Variants in MICU3 observed in about 807,000 individuals in gnomAD.
MICU3 encodes calcium uptake protein 3, mitochondrial.
MICU3 carries 62 observed loss-of-function variants against 66.5 expected under a neutral mutation model. The ratio of observed to expected loss-of-function variants is 0.93; its 90% CI spans 0.76 to 1.15. The LOEUF (loss-of-function observed/expected upper bound fraction) is 1.15. Ranked by LOEUF, MICU3 falls within the 50% of genes most tolerant of loss-of-function variation. The pLI is 0.00. For missense variants in MICU3, 779 were observed against 664.4 expected (o/e 1.17, Z -1.90); for synonymous variants, 308 against 240.7 (o/e 1.28, Z -2.59).
chr8:17,073,069 T>G (rs1322752176), intron 3 of MICU3, among the ~76,000 whole-genome samples: 1 of 152,098 alleles, frequency 6.6e-6, no homozygotes, highest in Non-Finnish European at 1.5e-5. Flanking sequence ...TTTTGCATTT[T>G]TAGTAGAGAC....
At chr8:17,125,493 G>A (rs1440651357), downstream of MICU3, among the ~76,000 whole-genome samples, 1 of 152,046 alleles carries the variant, frequency 6.6e-6, no homozygotes, top group South Asian at 2.1e-4. Context: ...TCTCTGTGTG[G>A]CTGAGATGAG....
chr8:17,059,195 C>G (rs1817452535), intron 1 of MICU3, among the ~76,000 whole-genome samples: 1 of 152,160 alleles, frequency 6.6e-6, no homozygotes, highest in African/African-American at 2.4e-5. Flanking sequence ...ATTTATGCTG[C>G]TACTCACCCA....
chr8:17,093,233 C>T (rs578140784), intron 8 of MICU3, among the ~76,000 whole-genome samples: 1 of 151,950 alleles, frequency 6.6e-6, no homozygotes, highest in East Asian at 1.9e-4. Context: ...TACAGAAATT[C>T]AAAAGGATAA....
the MICU3 span, among the ~76,000 whole-genome samples, chr8:17,127,865 A>C: frequency 6.6e-6 from 1 of 152,082 alleles, no homozygotes; most frequent in African/African-American, 2.4e-5. Context: ...CCCTTCAAAA[A>C]CAAAAAACAA....
chr8:17,114,050 T>G (rs758450255), intron 11 of MICU3, 43 bp from the exon 12 acceptor site: 2 of 1,136,420 alleles, frequency 1.8e-6, no homozygotes, highest in Non-Finnish European at 2.5e-6. Flanking sequence ...TTTTAATAAA[T>G]TTGGCAATAC....
intron 7 of MICU3, among the ~76,000 whole-genome samples, chr8:17,089,431 CTACTT>C (rs1437603584): frequency 6.6e-6 from 1 of 151,908 alleles, no homozygotes; most frequent in African/African-American, 2.4e-5. Flanking sequence ...TTTAGTTATA[CTACTT>C]TACTTAGAAA....
intron 14 of MICU3, 134 bp from the exon 15 acceptor site, chr8:17,120,154 T>A (rs1803087274): frequency 6.6e-6 from 1 of 152,188 alleles, no homozygotes; most frequent in South Asian, 2.1e-4. Context: ...TAAGTCTTTG[T>A]GTCTTATATT....
chr8:17,127,810 A>C, the MICU3 span, among the ~76,000 whole-genome samples: 331 of 152,330 alleles, frequency 2.2e-3, no homozygotes, highest in South Asian at 7.3e-3. Context: ...GCTAAACCCC[A>C]AATACAATGT....
rs781446782 is a variant in MICU3, at chr8:17,090,547, G to A, written c.851G>A (p.Arg284His). Residue 284 changes from arginine to histidine, a missense_variant and splice_region_variant, in exon 8 of 15, where the codon CGT becomes CAT. Coordinates refer to ENST00000318063, the MANE Select transcript of MICU3 (RefSeq NM_181723.3). ...KGDEEKRAML[R>H]LQLYGYHSPT... ...TTGGCCCTTTGTGCTCTATGTCAGCGTCTTCAACTTTATGGATACCATTCT... is the reference window on the plus strand; with the variant it reads ...TTGGCCCTTTGTGCTCTATGTCAGCATCTTCAACTTTATGGATACCATTCT... The A allele has an allele frequency of 5.3e-5, 85 of 1,610,852 alleles. 1 individual carries two copies. The highest frequency in any genetic ancestry group is 2.5e-5 in the Non-Finnish European group (30 of 1,178,354).
intron 1 of MICU3, among the ~76,000 whole-genome samples, chr8:17,052,497 A>G (rs1314842448): frequency 6.6e-6 from 1 of 152,134 alleles, no homozygotes; most frequent in African/African-American, 2.4e-5. Flanking sequence ...ATCTGTCTTC[A>G]TTTCCCCAAC....
intron 11 of MICU3, 55 bp from the exon 12 acceptor site, chr8:17,114,038 G>GGTCGT: frequency 8.6e-7 from 1 of 1,163,076 alleles, no homozygotes. Context: ...TGTAGATCCT[G>GGTCGT]ATTTTAATAA....
At chr8:17,080,544 A>G (rs1307995529) in intron 4 of MICU3, among the ~76,000 whole-genome samples, 1 of 152,022 alleles carries the variant, frequency 6.6e-6, no homozygotes, top group South Asian at 2.1e-4. Context: ...CCCTTCTTTT[A>G]TGCTCTTCTT....
At chr8:17,064,964 C>T (rs371061365) in intron 2 of MICU3, among the ~76,000 whole-genome samples, 11 of 152,096 alleles carry the variant, frequency 7.2e-5, no homozygotes, top group Non-Finnish European at 1.3e-4. Flanking sequence ...TAATGAGAAC[C>T]GAGGATTTCT....
At chr8:17,086,824 A>G (rs1417605239) in intron 6 of MICU3, 140 bp from the exon 7 acceptor site, 12 of 611,748 alleles carry the variant, frequency 2.0e-5, no homozygotes, top group Non-Finnish European at 1.7e-5. Context: ...TGAAATCAGA[A>G]AATAGATCTA....
intron 1 of MICU3, among the ~76,000 whole-genome samples, chr8:17,029,314 A>G (rs931749702): frequency 5.3e-5 from 8 of 152,164 alleles, no homozygotes; most frequent in African/African-American, 1.9e-4. Context: ...CGTCTCTACT[A>G]AAAATACAAA....
intron 8 of MICU3, among the ~76,000 whole-genome samples, chr8:17,095,707 C>G (rs556296711): frequency 4.6e-5 from 7 of 151,926 alleles, no homozygotes; most frequent in African/African-American, 1.7e-4. Context: ...AATCTTCTTT[C>G]CTCCTAACTG....
chr8:17,060,154 A>G (rs1817593490), intron 1 of MICU3, among the ~76,000 whole-genome samples: 1 of 152,158 alleles, frequency 6.6e-6, no homozygotes, highest in African/African-American at 2.4e-5. Context: ...GAACTTAAAA[A>G]CCAACCCAAG....
Position 17,085,283 on chromosome 8 carries a change from G to A in MICU3, c.742G>A (p.Gly248Ser), listed in dbSNP as rs1799350893. 6.2e-7 allele frequency: 1 copy of A among 1,610,778 alleles called. No individual in the cohort carries two copies. Among genetic ancestry groups the A allele is most frequent in the Non-Finnish European group, 8.5e-7 (1 of 1,177,990 alleles). The change falls in exon 6 of 15, where the codon GGC (glycine) becomes AGC (serine). Residue 248 changes from glycine (G) to serine (S), a missense_variant. Transcript: ENST00000318063. ...RIAFNMFDTD[G>S]NEMVDKKEFL... ...AGCTTTCAACATGTTTGACACTGAT[G>A]GCAATGAGATGGTGGATAAAAAAGA...
chr8:17,036,468 A>G (rs528322124), intron 1 of MICU3, among the ~76,000 whole-genome samples: 8 of 152,056 alleles, frequency 5.3e-5, no homozygotes, highest in Non-Finnish European at 1.2e-4. Context: ...CATCCTGCTG[A>G]TTGGTAGAGC....
Sources: gnomAD v4.1 joint callset for allele counts (sites outside exome capture counted in the v4.1 genomes callset) on GRCh38, gnomAD v4.1.1 for gene constraint, MANE v1.5 for transcripts, NCBI Gene and HGNC (gene_info 2026-07-23, HGNC 2026-07-21) for gene names.